Variants in EYS observed in about 807,000 individuals in gnomAD.
The protein encoded by EYS is protein eyes shut homolog.
In EYS, 250 loss-of-function variants were observed where a neutral mutation model predicts 282.1. The ratio of observed to expected loss-of-function variants is 0.89; its 90% confidence interval spans 0.80 to 0.98. The LOEUF is 0.98. EYS is among the 50% of genes least tolerant of loss of function. EYS has a pLI of 0.00. For synonymous variants in EYS, 1,355 were observed against 1,282.9 expected (o/e 1.06, Z -1.20); for missense variants, 4,016 against 3,709.0 (o/e 1.08, Z -2.15).
intron 30 of EYS, among the ~76,000 whole-genome samples, chr6:64,251,208 A>G (rs1000282877): frequency 3.3e-5 from 5 of 152,164 alleles, no homozygotes; most frequent in African/African-American, 4.8e-5. Context: ...CAAACGTGAA[A>G]CCTTAAAATA....
chr6:65,548,278 T>C (rs1293502655), intron 2 of EYS, among the ~76,000 whole-genome samples: 1 of 152,212 alleles, frequency 6.6e-6, no homozygotes, highest in African/African-American at 2.4e-5. Flanking sequence ...TGTGATTATT[T>C]AAATTTTAGT....
intron 28 of EYS, among the ~76,000 whole-genome samples, chr6:64,430,656 C>A (rs1254746422): frequency 6.6e-6 from 1 of 152,030 alleles, no homozygotes; most frequent in Non-Finnish European, 1.5e-5. Context: ...CTTGTTTATT[C>A]CACTTTGTTT....
chr6:64,492,738 G>A (rs9451763), intron 26 of EYS, among the ~76,000 whole-genome samples: 1 of 151,318 alleles, frequency 6.6e-6, no homozygotes. Flanking sequence ...GAATCCATCA[G>A]GTGGTTAAAG....
At chr6:64,144,677 AC>A (rs1774451536) in intron 31 of EYS, among the ~76,000 whole-genome samples, 1 of 151,874 alleles carries the variant, frequency 6.6e-6, no homozygotes, top group South Asian at 2.1e-4. Context: ...CCTTTCTCCA[AC>A]CCCATGTTAT....
At chr6:64,840,227 TA>T (rs1765520987) in intron 19 of EYS, among the ~76,000 whole-genome samples, 1 of 152,112 alleles carries the variant, frequency 6.6e-6, no homozygotes, top group Non-Finnish European at 1.5e-5. Context: ...TCATGGTGTT[TA>T]AAATGGTCAC....
intron 26 of EYS, among the ~76,000 whole-genome samples, chr6:64,541,008 T>A (rs1764681537): frequency 1.3e-5 from 2 of 152,228 alleles, no homozygotes; most frequent in Non-Finnish European, 2.9e-5. Flanking sequence ...TGAGTTAATT[T>A]TTCTTTACTT....
intron 31 of EYS, among the ~76,000 whole-genome samples, chr6:64,197,664 T>C (rs980176214): frequency 2.0e-5 from 3 of 152,048 alleles, no homozygotes; most frequent in African/African-American, 7.2e-5. Flanking sequence ...AGAGGTTTTA[T>C]AATGTTCATA....
chr6:64,059,285 T>A (rs1771084506), intron 33 of EYS, among the ~76,000 whole-genome samples: 1 of 152,206 alleles, frequency 6.6e-6, no homozygotes, highest in Non-Finnish European at 1.5e-5. Context: ...TCATCTCATC[T>A]TGGCATTTGG....
chr6:64,981,705 G>T lies in EYS; in HGVS notation c.2259+15877C>A, dbSNP rs1770673037. Reference sequence around the variant, plus strand: ...TAACTGCTTTATTTTAAACCATTTTGTTTTACTGCCTCACTAGTAGGGGAA... The same window carrying T: ...TAACTGCTTTATTTTAAACCATTTTTTTTTACTGCCTCACTAGTAGGGGAA... On this transcript the variant is annotated intron_variant, in intron 14 of 42. Coordinates refer to ENST00000503581, the MANE Select transcript of EYS (RefSeq NM_001142800.2). 2.0e-5 allele frequency among the ~76,000 whole-genome samples: 3 copies of T among 151,344 alleles called. No homozygotes were observed. In the South Asian group the frequency reaches 6.2e-4, roughly 31 times the overall value.
At chr6:64,085,443 G>T (rs1654662657) in intron 31 of EYS, among the ~76,000 whole-genome samples, 1 of 152,014 alleles carries the variant, frequency 6.6e-6, no homozygotes, top group Admixed American at 6.5e-5. Flanking sequence ...TGATCCAGCT[G>T]TAGCTATCTC....
chr6:65,569,317 CTT>C (rs776640082), intron 2 of EYS, among the ~76,000 whole-genome samples: 1 of 152,038 alleles, frequency 6.6e-6, no homozygotes, highest in Non-Finnish European at 1.5e-5. Context: ...TTCACTGACT[CTT>C]TTTCGGACTC....
At chr6:65,162,244 A>G (rs565046845) in intron 12 of EYS, among the ~76,000 whole-genome samples, 23 of 151,232 alleles carry the variant, frequency 1.5e-4, no homozygotes, top group Non-Finnish European at 2.7e-4. Flanking sequence ...TCAGGATTCT[A>G]TGAGACAAGT....
intron 5 of EYS, among the ~76,000 whole-genome samples, chr6:65,413,574 A>C (rs187217726): frequency 6.6e-6 from 1 of 152,066 alleles, no homozygotes; most frequent in African/African-American, 2.4e-5. Flanking sequence ...TTAAGAGCAA[A>C]GTGGGCCAGG....
rs571296533 is a variant in EYS at position 65,574,848 on chromosome 6, G to A, written c.-333+64930C>T. On this transcript the variant is annotated intron_variant, in intron 2 of 42. Transcript: ENST00000503581. ...TCAAGTGCACATGGAACATTCTCCA[G>A]CATAGATTATACTTTAGTCCACAAA... Among the ~76,000 whole-genome samples the A allele has an allele frequency of 2.0e-5, 3 of 152,178 alleles. No homozygotes were observed. In the East Asian group the frequency reaches 5.8e-4, roughly 29 times the overall value.
At chr6:65,483,847 T>C (rs965829186) in intron 5 of EYS, among the ~76,000 whole-genome samples, 1 of 152,106 alleles carries the variant, frequency 6.6e-6, no homozygotes, top group African/African-American at 2.4e-5. Context: ...CTTACATGGA[T>C]GGCAGCAAGC....
chr6:64,206,338 A>G (rs1232404174), intron 31 of EYS, among the ~76,000 whole-genome samples: 1 of 152,158 alleles, frequency 6.6e-6, no homozygotes, highest in Non-Finnish European at 1.5e-5. Flanking sequence ...AAAATATTAG[A>G]GGACTTCACT....
intron 22 of EYS, among the ~76,000 whole-genome samples, chr6:64,766,683 T>TATATATATAA (rs1250908125): frequency 1.8e-5 from 2 of 111,292 alleles, no homozygotes; most frequent in African/African-American, 6.7e-5. Context: ...TATATATATA[T>TATATATATAA]AAAATCTAAC....
intron 26 of EYS, among the ~76,000 whole-genome samples, chr6:64,514,648 G>T (rs1196350288): frequency 1.3e-5 from 2 of 151,518 alleles, no homozygotes; most frequent in Non-Finnish European, 3.0e-5. Context: ...CTTTATCTGG[G>T]TATTCTTGAA....
intron 28 of EYS, among the ~76,000 whole-genome samples, chr6:64,416,585 A>C (rs968145745): frequency 6.1e-5 from 9 of 148,494 alleles, no homozygotes; most frequent in Non-Finnish European, 1.2e-4. Flanking sequence ...ATTCACACTT[A>C]ATTCATTCAT....
Sources: allele counts gnomAD v4.1 joint callset (sites outside exome capture counted in the v4.1 genomes callset), GRCh38; gene constraint gnomAD v4.1.1; transcripts MANE v1.5; gene names NCBI Gene and HGNC (gene_info 2026-07-23, HGNC 2026-07-21).